PTPRZ1: variants seen among roughly 807,000 people sequenced by gnomAD.
The protein encoded by PTPRZ1 is receptor-type tyrosine-protein phosphatase zeta.
Under a neutral mutation model 214.1 loss-of-function variants are expected in PTPRZ1, and 82 were observed. The observed-to-expected ratio is 0.38, with a 90% CI of 0.32 to 0.46. PTPRZ1 has a LOEUF of 0.46. PTPRZ1 is among the 20% of genes least tolerant of loss of function. PTPRZ1 has a pLI of 1.00. For missense variants in PTPRZ1, 2,603 were observed against 2,748.7 expected, an observed-to-expected ratio of 0.95 and a Z score of 1.19; for synonymous variants, 945 against 987.9, an observed-to-expected ratio of 0.96 and a Z score of 0.81.
chr7:121,933,653 A>C (rs1246615495), intron 2 of PTPRZ1, among the ~76,000 whole-genome samples: 1 of 152,160 alleles, frequency 6.6e-6, no homozygotes, highest in African/African-American at 2.4e-5. Context: ...CATTTTGATA[A>C]CTGTATGTAG....
chr7:121,930,484 G>T (rs1795888316), intron 2 of PTPRZ1, among the ~76,000 whole-genome samples: 1 of 152,032 alleles, frequency 6.6e-6, no homozygotes, highest in South Asian at 2.1e-4. Context: ...CAAAAAGGTT[G>T]TTGGACCAAA....
chr7:121,918,943 C>T (rs1795506837), intron 1 of PTPRZ1, among the ~76,000 whole-genome samples: 1 of 151,882 alleles, frequency 6.6e-6, no homozygotes, highest in African/African-American at 2.4e-5. Flanking sequence ...AACTTCCCCA[C>T]TTTTTGTATA....
chr7:121,896,765 T>C (rs185845422), intron 1 of PTPRZ1, among the ~76,000 whole-genome samples: 15 of 150,110 alleles, frequency 1.0e-4, no homozygotes, highest in Admixed American at 9.9e-4. Context: ...AGGGTGAGAC[T>C]CTGCCTCAAA....
chr7:121,873,402 A>G lies in PTPRZ1; in HGVS notation c.-98A>G. The G allele has an allele frequency of 8.2e-7, 1 of 1,222,002 alleles. No individual in the cohort carries two copies. The highest frequency in any genetic ancestry group is 1.1e-6 in the Non-Finnish European group (1 of 877,548). The allele number at this position is 1,222,002 out of a possible 1,614,324, so 75.7% of individuals were successfully genotyped here. A position where few individuals can be genotyped will look rare whatever the true frequency, so the allele number is the denominator to read the frequency against. On this transcript the variant is annotated 5_prime_UTR_variant, in exon 1 of 30. Coordinates refer to ENST00000393386, the MANE Select transcript of PTPRZ1 (RefSeq NM_002851.3). ...CTTCGATCTATACACTGGAGGATTA[A>G]AACAAACAAACAAAAAAAACATTTC...
intron 1 of PTPRZ1, among the ~76,000 whole-genome samples, chr7:121,927,177 T>G (rs534203678): frequency 6.6e-6 from 1 of 152,350 alleles, no homozygotes; most frequent in East Asian, 1.9e-4. Flanking sequence ...AATGTATGAA[T>G]GAATAATGTT....
At chr7:121,996,112 G>C (rs1798124956) in intron 8 of PTPRZ1, among the ~76,000 whole-genome samples, 1 of 152,048 alleles carries the variant, frequency 6.6e-6, no homozygotes, top group Admixed American at 6.6e-5. Flanking sequence ...GATCACTTCA[G>C]TAGAGATTAA....
At chr7:122,036,731 T>C in intron 18 of PTPRZ1, 49 bp downstream of exon 18, 1 of 1,299,420 alleles carries the variant, frequency 7.7e-7, no homozygotes, top group African/African-American at 1.5e-5. Context: ...TTAGACTGAA[T>C]TATTATACCA....
At chr7:122,051,727 G>A in intron 24 of PTPRZ1, 139 bp from the exon 25 acceptor site, 1 of 903,660 alleles carries the variant, frequency 1.1e-6, no homozygotes, top group Non-Finnish European at 1.7e-6. Flanking sequence ...TTAGCTTACA[G>A]ATCAGAGACA....
intron 9 of PTPRZ1, 23 bp from the exon 10 acceptor site, chr7:121,997,857 A>G: frequency 6.3e-7 from 1 of 1,589,782 alleles, no homozygotes; most frequent in Non-Finnish European, 8.6e-7. Context: ...ACATTTGTAT[A>G]ATTACTAACA....
chr7:121,993,436 A>C (rs1471582556), intron 8 of PTPRZ1, among the ~76,000 whole-genome samples: 1 of 151,684 alleles, frequency 6.6e-6, no homozygotes, highest in East Asian at 1.9e-4. Flanking sequence ...ACAGCCGGGC[A>C]TGGTGGTGGA....
At chr7:121,929,226 C>T (rs1044817776) in intron 2 of PTPRZ1, among the ~76,000 whole-genome samples, 18 of 152,028 alleles carry the variant, frequency 1.2e-4, no homozygotes, top group Non-Finnish European at 2.1e-4. Flanking sequence ...TCCTTTTAGA[C>T]AGTTTTTATT....
Position 122,004,672 on chromosome 7 carries a change from A to T in PTPRZ1, c.1287+12A>T. 1 of 1,319,586 alleles carries T rather than the reference A, an allele frequency of 7.6e-7. No homozygotes were observed. The highest frequency in any genetic ancestry group is 1.1e-6 in the Non-Finnish European group (1 of 942,394). The allele number at this position is 1,319,586 out of a possible 1,614,324, so 81.7% of individuals were successfully genotyped here. ...AAGAAATAATCAAGGTATCATAGCC[A>T]TTTTTATATTCAAATGTTTTAATAT... is the stretch of plus-strand genomic sequence containing the variant. On this transcript the variant is annotated intron_variant, in intron 11 of 29. Coordinates refer to ENST00000393386, the MANE Select transcript of PTPRZ1 (RefSeq NM_002851.3).
intron 8 of PTPRZ1, among the ~76,000 whole-genome samples, chr7:121,992,726 A>G (rs1798007314): frequency 7.7e-6 from 1 of 129,332 alleles, no homozygotes; most frequent in Non-Finnish European, 1.8e-5. Flanking sequence ...AGCATCCTAA[A>G]GGCTGAGACA....
Position 122,042,684 on chromosome 7 carries a change from A to C in PTPRZ1, c.5878A>C (p.Asn1960His). ...LQQIQHEGTV[N>H]IFGFLKHIRS... ...GCAGATTCAACACGAAGGAACTGTC[A>C]ACATATTTGGCTTCTTAAAACACAT... The change falls in exon 22 of 30, where the codon AAC becomes CAC. Residue 1960 changes from asparagine to histidine, a missense_variant. Transcript: ENST00000393386. The C allele has an allele frequency of 6.2e-7, 1 of 1,613,824 alleles. No homozygotes were observed. Among genetic ancestry groups the C allele is most frequent in the Non-Finnish European group, 8.5e-7 (1 of 1,179,720 alleles).
At chr7:122,031,050 C>T (rs906894214) in intron 14 of PTPRZ1, among the ~76,000 whole-genome samples, 7 of 151,800 alleles carry the variant, frequency 4.6e-5, no homozygotes, top group South Asian at 2.1e-4. Flanking sequence ...TTTACAAAAC[C>T]GAAATTACAC....
intron 2 of PTPRZ1, among the ~76,000 whole-genome samples, chr7:121,945,364 C>G (rs1384682277): frequency 6.6e-6 from 1 of 152,118 alleles, no homozygotes; most frequent in African/African-American, 2.4e-5. Flanking sequence ...TGGAGATATT[C>G]TAGAATTATA....
chr7:122,012,615 A>T lies in PTPRZ1; in HGVS notation c.3569A>T (p.Asp1190Val), dbSNP rs1798709101. Residue 1190 changes from aspartate (D) to valine (V), a missense_variant, in exon 12 of 30, where the codon GAT becomes GTT. Around this residue, in one of 6 missense-constraint regions of PTPRZ1, gnomAD observed 1,913 missense variants for 1,914.3 expected, o/e 1.00. Coordinates refer to ENST00000393386, the MANE Select transcript of PTPRZ1 (RefSeq NM_002851.3). Reference protein sequence around the residue: ...VLLQPSFQASDVDTLLKTVLP... With the variant: ...VLLQPSFQASVVDTLLKTVLP... ...CTACAACCTTCCTTTCAGGCTTCTGATGTTGACACCTTGCTTAAAACTGTT... is the reference window on the plus strand; with the variant it reads ...CTACAACCTTCCTTTCAGGCTTCTGTTGTTGACACCTTGCTTAAAACTGTT... 6.2e-7 allele frequency: 1 copy of T among 1,613,820 alleles called. No homozygotes were observed. Among genetic ancestry groups the T allele is most frequent in the Non-Finnish European group, 8.5e-7 (1 of 1,179,790 alleles).
chr7:121,903,579 A>AT (rs1373489855), intron 1 of PTPRZ1, among the ~76,000 whole-genome samples: 1 of 152,136 alleles, frequency 6.6e-6, no homozygotes, highest in Admixed American at 6.5e-5. Flanking sequence ...GAAGATTTTT[A>AT]TTTTTTACCC....
Position 121,996,500 on chromosome 7 carries a change from G to C in PTPRZ1, c.1047G>C (p.Leu349Phe). Reference sequence around the variant, plus strand: ...CCATGATTGAGAAGTTTGCAGTTTTGTACCAGCAGTTGGATGGAGAGGACC... The same window carrying C: ...CCATGATTGAGAAGTTTGCAGTTTTCTACCAGCAGTTGGATGGAGAGGACC... ...YDTMIEKFAV[L>F]YQQLDGEDQT... The change falls in exon 9 of 30, where the codon TTG (leucine) becomes TTC (phenylalanine). Residue 349 changes from leucine to phenylalanine, a missense_variant. By Grantham distance (22) the Leu-to-Phe change is conservative (BLOSUM62 0). Transcript: ENST00000393386. 1 of 1,460,364 alleles carries C rather than the reference G, an allele frequency of 6.8e-7. No homozygotes were observed. Among genetic ancestry groups the C allele is most frequent in the Non-Finnish European group, 9.3e-7 (1 of 1,074,292 alleles). 90.5% of individuals were successfully genotyped at this position (1,460,364 alleles called of 1,614,324 possible). A position where few individuals can be genotyped will look rare whatever the true frequency, so the allele number is the denominator to read the frequency against.
Sources: allele counts gnomAD v4.1 joint callset (sites outside exome capture counted in the v4.1 genomes callset), GRCh38; gene constraint gnomAD v4.1.1; regional missense constraint gnomAD v4.1.1; transcripts MANE v1.5; gene names NCBI Gene and HGNC (gene_info 2026-07-23, HGNC 2026-07-21).